Variants in ASIC2 observed in about 807,000 individuals in gnomAD.
ASIC2 encodes the protein acid sensing ion channel subunit 2, also known as acid-sensing ion channel 2.
ASIC2 carries 25 observed loss-of-function variants against 57.3 expected under a neutral mutation model. That is an observed-to-expected ratio of 0.44 (90% CI 0.32 to 0.61). ASIC2 has a LOEUF of 0.61. ASIC2 is among the 20% of genes least tolerant of loss of function. ASIC2 has a pLI of 0.06. For synonymous variants in ASIC2, 319 were observed against 307.5 expected (o/e 1.04, Z -0.39); for missense variants, 641 against 738.1 (o/e 0.87, Z 1.52).
intron 1 of ASIC2, among the ~76,000 whole-genome samples, chr17:33,857,392 G>A (rs1475245356): frequency 6.6e-6 from 1 of 152,158 alleles, no homozygotes; most frequent in African/African-American, 2.4e-5. Context: ...GGGACTCCAG[G>A]ACCAGAGAGG....
At chr17:33,196,300 C>G (rs987689658) in intron 1 of ASIC2, among the ~76,000 whole-genome samples, 2 of 149,186 alleles carry the variant, frequency 1.3e-5, no homozygotes, top group African/African-American at 2.6e-5. Flanking sequence ...TAAAAGTACA[C>G]GAGACGATGA....
chr17:33,620,055 A>C (rs562337476), intron 1 of ASIC2, among the ~76,000 whole-genome samples: 1 of 152,274 alleles, frequency 6.6e-6, no homozygotes, highest in Admixed American at 6.5e-5. Context: ...CACTCCAAAA[A>C]CATGAAAATA....
At chr17:33,531,949 A>G (rs1915065016) in intron 1 of ASIC2, among the ~76,000 whole-genome samples, 1 of 152,196 alleles carries the variant, frequency 6.6e-6, no homozygotes, top group Admixed American at 6.5e-5. Flanking sequence ...AAAAGGTATT[A>G]TAATGGAAGG....
At chr17:34,025,525 C>A (rs767233317) in intron 1 of ASIC2, among the ~76,000 whole-genome samples, 2 of 152,180 alleles carry the variant, frequency 1.3e-5, no homozygotes, top group African/African-American at 4.8e-5. Flanking sequence ...CTCAGATGAC[C>A]AATTCCTGGT....
intron 1 of ASIC2, among the ~76,000 whole-genome samples, chr17:33,956,786 C>G (rs1384150930): frequency 6.6e-6 from 1 of 152,230 alleles, no homozygotes; most frequent in Non-Finnish European, 1.5e-5. Flanking sequence ...CTGAGATTCT[C>G]AAGTACTGAC....
At chr17:33,804,433 G>A (rs189069868) in intron 1 of ASIC2, among the ~76,000 whole-genome samples, 20 of 152,242 alleles carry the variant, frequency 1.3e-4, no homozygotes, top group African/African-American at 4.8e-4. Context: ...TCCACCCACT[G>A]GGCATGCTGC....
intron 3 of ASIC2, among the ~76,000 whole-genome samples, chr17:33,046,722 C>T (rs896059031): frequency 1.4e-4 from 22 of 152,218 alleles, no homozygotes; most frequent in Admixed American, 1.4e-3. Flanking sequence ...GTCTGTTGAG[C>T]CCCTGCATGG....
intron 1 of ASIC2, among the ~76,000 whole-genome samples, chr17:33,303,106 C>T (rs542532766): frequency 6.6e-6 from 1 of 152,336 alleles, no homozygotes; most frequent in Middle Eastern, 3.4e-3. Context: ...TGGGGTCACA[C>T]AGAATGTGCC....
chr17:33,356,608 A>G (rs1157665099), intron 1 of ASIC2, among the ~76,000 whole-genome samples: 3 of 152,154 alleles, frequency 2.0e-5, no homozygotes, highest in Non-Finnish European at 4.4e-5. Flanking sequence ...CCACCACTAC[A>G]GACAGCACTT....
At chr17:33,347,339 AG>A (rs1349497292) in intron 1 of ASIC2, among the ~76,000 whole-genome samples, 2 of 152,162 alleles carry the variant, frequency 1.3e-5, no homozygotes, top group African/African-American at 4.8e-5. Context: ...TATGTGTGTA[AG>A]TATTTTTGGG....
At chr17:33,410,170 G>C (rs1314629304) in intron 1 of ASIC2, among the ~76,000 whole-genome samples, 1 of 152,082 alleles carries the variant, frequency 6.6e-6, no homozygotes, top group Non-Finnish European at 1.5e-5. Context: ...TCTAAGCCTG[G>C]CCACTCTGGA....
At chr17:34,015,910 G>A (rs951495701) in intron 1 of ASIC2, among the ~76,000 whole-genome samples, 25 of 152,148 alleles carry the variant, frequency 1.6e-4, no homozygotes, top group African/African-American at 5.8e-4. Flanking sequence ...ACCAACTCAC[G>A]TGCCTACCAT....
At chr17:33,225,675 G>C (rs1405115637) in intron 1 of ASIC2, among the ~76,000 whole-genome samples, 1 of 152,182 alleles carries the variant, frequency 6.6e-6, no homozygotes, top group Non-Finnish European at 1.5e-5. Flanking sequence ...CACCAGATCA[G>C]TACAGCTCTG....
At chr17:33,331,205 C>T (rs1907299198) in intron 1 of ASIC2, among the ~76,000 whole-genome samples, 1 of 152,142 alleles carries the variant, frequency 6.6e-6, no homozygotes, top group Admixed American at 6.5e-5. Flanking sequence ...CCATTTCATC[C>T]CACAACCACC....
chr17:33,243,875 G>A (rs775498738), intron 1 of ASIC2, among the ~76,000 whole-genome samples: 4 of 152,136 alleles, frequency 2.6e-5, no homozygotes, highest in Non-Finnish European at 4.4e-5. Flanking sequence ...CAATCTAACC[G>A]GGAGTTGGGA....
chr17:33,609,458 C>T (rs952382859), intron 1 of ASIC2, among the ~76,000 whole-genome samples: 1 of 152,130 alleles, frequency 6.6e-6, no homozygotes, highest in Non-Finnish European at 1.5e-5. Flanking sequence ...GGTTCTTCTT[C>T]CTGGAATTCT....
chr17:33,712,319 A>G (rs1358308454), intron 1 of ASIC2, among the ~76,000 whole-genome samples: 1 of 152,202 alleles, frequency 6.6e-6, no homozygotes, highest in African/African-American at 2.4e-5. Flanking sequence ...CACAGCACAC[A>G]ACACACACTG....
chr17:33,249,322 T>C (rs1908803179), intron 1 of ASIC2, among the ~76,000 whole-genome samples: 1 of 151,778 alleles, frequency 6.6e-6, no homozygotes, highest in East Asian at 1.9e-4. Flanking sequence ...GTTGAGTAGG[T>C]AGCTGGGGAG....
intron 1 of ASIC2, among the ~76,000 whole-genome samples, chr17:33,973,494 C>T (rs142860852): frequency 3.5e-4 from 54 of 152,354 alleles, no homozygotes; most frequent in African/African-American, 1.3e-3. Flanking sequence ...GCTTTTCTCA[C>T]TGCCCAGCAG....
Sources: allele counts gnomAD v4.1 joint callset (sites outside exome capture counted in the v4.1 genomes callset), GRCh38; gene constraint gnomAD v4.1.1; transcripts MANE v1.5; gene names NCBI Gene and HGNC (gene_info 2026-07-23, HGNC 2026-07-21).